KLK8: variants seen among roughly 807,000 people sequenced by gnomAD.
KLK8 encodes the protein kallikrein related peptidase 8, also known as kallikrein-8.
A neutral mutation model predicts 26.7 loss-of-function variants in KLK8; 18 were observed. The ratio of observed to expected loss-of-function variants is 0.67; its 90% confidence interval spans 0.47 to 1.00. The LOEUF is 1.00. KLK8 is among the 50% of genes least tolerant of loss of function. The pLI, the probability that KLK8 is intolerant of heterozygous loss-of-function variation, is 0.00. For missense variants in KLK8, 301 were observed against 331.7 expected, an observed-to-expected ratio of 0.91 and a Z score of 0.72; for synonymous variants, 137 against 127.1, an observed-to-expected ratio of 1.08 and a Z score of -0.52.
exon 2 of KLK8, chr19:51,001,581 G>A (rs1425806792): frequency 3.9e-5 from 7 of 178,288 alleles, no homozygotes; most frequent in African/African-American, 1.4e-4. Flanking sequence ...CCCAGTGGAG[G>A]AGGCCCCAGT....
chr19:50,997,212 T>C (rs951766775), intron 6 of KLK8, among the ~76,000 whole-genome samples: 2 of 152,194 alleles, frequency 1.3e-5, no homozygotes, highest in Admixed American at 6.5e-5. Flanking sequence ...AGAAAGGGAT[T>C]GGAGCTCATT....
At chr19:51,000,835 T>A in intron 3 of KLK8, 1 of 1,080,434 alleles carries the variant, frequency 9.3e-7, no homozygotes, top group Non-Finnish European at 1.3e-6. Flanking sequence ...CCCAGGTGAA[T>A]CTATGCCCCC....
intron 5 of KLK8, 73 bp from the exon 5 acceptor site, chr19:50,997,957 C>T: frequency 6.3e-7 from 1 of 1,580,734 alleles, no homozygotes; most frequent in South Asian, 1.1e-5. Context: ...GATCTAACCC[C>T]CTTTCTTTCC....
At chr19:50,999,583 CAAAAAAAAAAAAA>C (rs56988162) in intron 5 of KLK8, among the ~76,000 whole-genome samples, 17 of 30,290 alleles carry the variant, frequency 5.6e-4, no homozygotes, top group South Asian at 2.9e-3. Context: ...TGTCCCCCTG[CAAAAAAAAAAAAA>C]AAAAAAAAAA....
At chr19:50,998,210 C>T (rs1305215143) in intron 5 of KLK8, among the ~76,000 whole-genome samples, 1 of 152,076 alleles carries the variant, frequency 6.6e-6, no homozygotes, top group Admixed American at 6.5e-5. Flanking sequence ...TCCAGTCTTC[C>T]TGCCCTCAGA....
In KLK8 at chr19:50,996,657, G is replaced by A. The variant is rs555625006; in HGVS notation, c.628-443C>T. On this transcript the variant is annotated intron_variant, in intron 6 of 6. Coordinates refer to ENST00000600767, the Ensembl canonical transcript of KLK8. ...CTGAGGTGGGAGAATTGCTTGAACT[G>A]GGAGGCAGAGGCTGCAGTGAGCCAA... is the stretch of plus-strand genomic sequence containing the variant. Among the ~76,000 whole-genome samples the A allele has an allele frequency of 4.0e-5, 6 of 151,064 alleles. No individual in the cohort carries two copies. In the South Asian group the frequency reaches 1.0e-3, roughly 26 times the overall value.
exon 5 of KLK8, chr19:51,000,245 G>A (rs747062903): frequency 8.2e-6 from 13 of 1,588,842 alleles, no homozygotes; most frequent in East Asian, 2.3e-5. Flanking sequence ...TCTCCCAGGC[G>A]TACTGTGTAT....
chr19:51,000,761 C>T, intron 3 of KLK8, 178 bp from the exon 3 acceptor site: 1 of 1,508,820 alleles, frequency 6.6e-7, no homozygotes, highest in Non-Finnish European at 8.9e-7. Context: ...TGTCATCATA[C>T]AAGAGTCACA....
chr19:50,996,258 C>A (rs2091165013), intron 6 of KLK8, 44 bp from the exon 6 acceptor site: 1 of 1,596,750 alleles, frequency 6.3e-7, no homozygotes, highest in Non-Finnish European at 8.6e-7. Flanking sequence ...GAGATGTCCA[C>A]AACGTCCCTT....
At chr19:50,996,917 CA>C (rs1464506338) in intron 6 of KLK8, among the ~76,000 whole-genome samples, 6 of 151,500 alleles carry the variant, frequency 4.0e-5, no homozygotes, top group Admixed American at 2.0e-4. Flanking sequence ...CACACACACA[CA>C]CACACACACA....
intron 6 of KLK8, among the ~76,000 whole-genome samples, chr19:50,996,771 G>A (rs996301266): frequency 2.1e-4 from 32 of 149,192 alleles, no homozygotes; most frequent in Admixed American, 5.4e-4. Context: ...TCCAATCCAG[G>A]GAGAAGACAG....
chr19:51,001,432 T>A, intron 2 of KLK8, 100 bp downstream of exon 1: 2 of 489,426 alleles, frequency 4.1e-6, no homozygotes, highest in Non-Finnish European at 7.4e-6. Context: ...TCCAGACTGC[T>A]GGATCTCGAC....
exon 7 of KLK8, chr19:50,996,151 C>G (rs888638844): frequency 1.7e-5 from 28 of 1,614,120 alleles, no homozygotes; most frequent in Non-Finnish European, 2.2e-5. Context: ...CCACAGGGGT[C>G]TGAGCCCCAG....
chr19:51,000,415 T>C lies in KLK8; in HGVS notation c.230+9A>G, dbSNP rs1298506915. On this transcript the variant is annotated intron_variant, in intron 4 of 6. Coordinates refer to ENST00000600767, the Ensembl canonical transcript of KLK8. ...CCCCAGCTGACCTCTGCCCCCATCA[T>C]CCACTCACGGTTTTTTACAGTGGGC... The C allele has an allele frequency of 6.3e-7, 1 of 1,597,898 alleles. No homozygotes were observed. The highest frequency in any genetic ancestry group is 1.3e-5 in the African/African-American group (1 of 74,564).
At chr19:51,000,293 G>C (rs780550421) in intron 4 of KLK8, 35 bp from the exon 4 acceptor site, 2 of 1,553,902 alleles carry the variant, frequency 1.3e-6, no homozygotes, top group South Asian at 1.2e-5. Context: ...ACCCAGGCAG[G>C]GGTATTGCCC....
chr19:50,997,408 C>T (rs1273971255), intron 6 of KLK8, among the ~76,000 whole-genome samples: 1 of 152,134 alleles, frequency 6.6e-6, no homozygotes, highest in Non-Finnish European at 1.5e-5. Context: ...ATGCTGGGAA[C>T]CAGAGAGCAG....
At position 50,999,447 on chromosome 19, in the gene KLK8, C is replaced by T. The variant is rs145663880; in HGVS notation, c.493+549G>A. Among the ~76,000 whole-genome samples the T allele has an allele frequency of 4.4e-3, 666 of 151,144 alleles. 2 individuals carry two copies. The highest frequency in any genetic ancestry group is 0.017 in the Middle Eastern group (5 of 292). On this transcript the variant is annotated intron_variant, in intron 5 of 6. Transcript: ENST00000600767. Reference sequence around the variant, plus strand: ...ATACAAAAATTAGCTCGCGTGGTGGCGGGTGCCTGTAATCCCAGCTACTCG... The same window carrying T: ...ATACAAAAATTAGCTCGCGTGGTGGTGGGTGCCTGTAATCCCAGCTACTCG...
At chr19:51,000,123 C>G in exon 5 of KLK8, 14 of 1,614,116 alleles carry the variant, frequency 8.7e-6, no homozygotes, top group Non-Finnish European at 1.2e-5. Context: ...GTTGAAGAAG[C>G]ATCAGATCAT....
At chr19:50,996,197 G>C in exon 7 of KLK8, 1 of 1,614,100 alleles carries the variant, frequency 6.2e-7, no homozygotes, top group Non-Finnish European at 8.5e-7. Context: ...CACACACCAG[G>C]GGGCCTCCAG....
Sources: gnomAD v4.1 joint callset for allele counts (sites outside exome capture counted in the v4.1 genomes callset) on GRCh38, gnomAD v4.1.1 for gene constraint, MANE v1.5 for transcripts, NCBI Gene and HGNC (gene_info 2026-07-23, HGNC 2026-07-21) for gene names.